Variants in LMCD1 observed in about 807,000 individuals in gnomAD.
LMCD1 encodes the protein LIM and cysteine rich domains 1.
Under a neutral mutation model 42.7 loss-of-function variants are expected in LMCD1, and 32 were observed. That is an observed-to-expected ratio of 0.75 (90% CI 0.57 to 1.01). The LOEUF (loss-of-function observed/expected upper bound fraction) is 1.01. Ranked by LOEUF, LMCD1 falls within the 50% of genes least tolerant of loss-of-function variation. The pLI, the probability that LMCD1 is intolerant of heterozygous loss-of-function variation, is 0.00. For missense variants in LMCD1, 458 were observed against 483.1 expected, an observed-to-expected ratio of 0.95 and a Z score of 0.49; for synonymous variants, 178 against 184.9, an observed-to-expected ratio of 0.96 and a Z score of 0.30.
intron 1 of LMCD1, among the ~76,000 whole-genome samples, chr3:8,508,488 C>T (rs1693928014): frequency 6.6e-6 from 1 of 152,200 alleles, no homozygotes. Flanking sequence ...ATTTTGTCTC[C>T]TCCTCCTGTT....
At chr3:8,547,860 TG>T (rs1455386522) in intron 3 of LMCD1, among the ~76,000 whole-genome samples, 1 of 151,594 alleles carries the variant, frequency 6.6e-6, no homozygotes, top group Non-Finnish European at 1.5e-5. Context: ...CACTCCAGCC[TG>T]GGCAACAGAG....
Position 8,501,842 on chromosome 3 carries a change from GC to G in LMCD1, c.-94del. 3 of 1,083,418 alleles carry G rather than the reference GC, an allele frequency of 2.8e-6. No individual in the cohort carries two copies. Among genetic ancestry groups the G allele is most frequent in the South Asian group, 2.9e-5 (2 of 67,974 alleles). The allele number at this position is 1,083,418 out of a possible 1,614,324, so 67.1% of individuals were successfully genotyped here. A position where few individuals can be genotyped will look rare whatever the true frequency, so the allele number is the denominator to read the frequency against. On this transcript the variant is annotated 5_prime_UTR_variant, in exon 1 of 6. Transcript: ENST00000157600. ...GGCTGCGCACAGAGCTCCCTCCCAG[GC>G]CCGCGAACTTGGCCATTCAGCCGCC... is the stretch of plus-strand genomic sequence containing the variant.
At chr3:8,535,515 A>G (rs1001825929) in intron 2 of LMCD1, among the ~76,000 whole-genome samples, 1 of 152,162 alleles carries the variant, frequency 6.6e-6, no homozygotes, top group African/African-American at 2.4e-5. Flanking sequence ...ACATCACCGT[A>G]TCAAAGTCAA....
intron 2 of LMCD1, among the ~76,000 whole-genome samples, chr3:8,536,873 G>C (rs1427176658): frequency 6.6e-6 from 1 of 152,180 alleles, no homozygotes; most frequent in Non-Finnish European, 1.5e-5. Context: ...CTCCAGCCCA[G>C]CTTTAGAGCA....
chr3:8,504,001 T>C (rs139219278), intron 1 of LMCD1, among the ~76,000 whole-genome samples: 168 of 152,322 alleles, frequency 1.1e-3, no homozygotes, highest in African/African-American at 3.8e-3. Flanking sequence ...CATGTTCTCC[T>C]TCTTGTCACC....
At chr3:8,502,311 A>ATTATATAT (rs1559342079) in intron 1 of LMCD1, among the ~76,000 whole-genome samples, 4 of 28,094 alleles carry the variant, frequency 1.4e-4, no homozygotes, top group African/African-American at 2.9e-4. Flanking sequence ...TATAATATAT[A>ATTATATAT]AAATATATAT....
intron 4 of LMCD1, among the ~76,000 whole-genome samples, chr3:8,556,052 T>C (rs1694928827): frequency 6.6e-6 from 1 of 152,242 alleles, no homozygotes; most frequent in Admixed American, 6.5e-5. Flanking sequence ...TCTTTGGTTT[T>C]ACTCAATTTT....
At chr3:8,523,900 G>A (rs1048206047) in intron 1 of LMCD1, among the ~76,000 whole-genome samples, 1 of 152,174 alleles carries the variant, frequency 6.6e-6, no homozygotes, top group African/African-American at 2.4e-5. Context: ...TTTACTTTCA[G>A]GAAGGGCAAC....
intron 1 of LMCD1, among the ~76,000 whole-genome samples, chr3:8,529,512 T>G (rs1209745223): frequency 6.6e-6 from 1 of 152,196 alleles, no homozygotes; most frequent in Admixed American, 6.5e-5. Context: ...GGGCTTTCTT[T>G]GTGCTTGTTG....
chr3:8,565,693 C>A, intron 5 of LMCD1, 46 bp downstream of exon 5: 1 of 1,515,992 alleles, frequency 6.6e-7, no homozygotes, highest in Non-Finnish European at 9.0e-7. Context: ...AGGGACACTG[C>A]TGAGGGTAAA....
At chr3:8,509,905 AG>A (rs1456972789) in intron 1 of LMCD1, among the ~76,000 whole-genome samples, 2 of 152,232 alleles carry the variant, frequency 1.3e-5, no homozygotes, top group Non-Finnish European at 2.9e-5. Context: ...GGCAGCTCTT[AG>A]GTCCCACCAG....
rs773512441 is a variant in LMCD1, at chr3:8,539,795, T to TTTTTTA, written c.387+2357_387+2358insTTTATT. 7.4e-3 allele frequency among the ~76,000 whole-genome samples: 1,036 copies of TTTTTTA among 139,818 alleles called. 9 individuals are homozygous for TTTTTTA. The highest frequency in any genetic ancestry group is 0.011 in the Non-Finnish European group (709 of 64,916). 91.7% of individuals were successfully genotyped at this position (139,818 alleles called of 152,430 possible). On this transcript the variant is annotated intron_variant, in intron 3 of 5. Coordinates refer to ENST00000157600, the MANE Select transcript of LMCD1 (RefSeq NM_014583.4). ...CCTTCCCACTCACCTTCCCAACATTTTTATTATTATTATTATTATTATTAT... is the reference window on the plus strand; with the variant it reads ...CCTTCCCACTCACCTTCCCAACATTTTTTTTATTATTATTATTATTATTATTATTAT...
At position 8,574,041 on chromosome 3, in the gene LMCD1, C is replaced by T. The variant is rs1229668891; in HGVS notation, c.*6443C>T. 1 of 152,244 alleles carries T rather than the reference C, an allele frequency of 6.6e-6. No homozygotes were observed. Among genetic ancestry groups the T allele is most frequent in the South Asian group, 2.1e-4 (1 of 4,822 alleles). The allele number at this position is 152,244 out of a possible 1,614,324, so 9.4% of individuals were successfully genotyped here. ...GTCTCTGCTTCTTTTCTCCATCTCT[C>T]TTCTGTCTTCCTCCACACTGGCTTT... On this transcript the variant is annotated 3_prime_UTR_variant, in exon 6 of 6. Transcript: ENST00000157600.
intron 4 of LMCD1, among the ~76,000 whole-genome samples, chr3:8,561,879 C>T (rs942697599): frequency 6.6e-6 from 1 of 150,450 alleles, no homozygotes; most frequent in Non-Finnish European, 1.5e-5. Flanking sequence ...ATCATCGGGG[C>T]TTACAGGAGC....
chr3:8,557,866 C>T (rs996287042), intron 4 of LMCD1, among the ~76,000 whole-genome samples: 1 of 152,170 alleles, frequency 6.6e-6, no homozygotes, highest in African/African-American at 2.4e-5. Context: ...GAGGAGCTTG[C>T]AGGCCAGAGA....
At chr3:8,502,304 A>AAAATATATATTATATATT (rs1693745852) in intron 1 of LMCD1, among the ~76,000 whole-genome samples, 1 of 12,366 alleles carries the variant, frequency 8.1e-5, no homozygotes, top group Non-Finnish European at 1.5e-4. Context: ...TATTATATAT[A>AAAATATATATTATATATT]ATATATAAAA....
chr3:8,545,857 C>T (rs1310672921), intron 3 of LMCD1, among the ~76,000 whole-genome samples: 1 of 152,194 alleles, frequency 6.6e-6, no homozygotes, highest in East Asian at 1.9e-4. Context: ...CAAACAGGGT[C>T]AGGTGCGGTG....
chr3:8,559,831 G>A (rs1224708584), intron 4 of LMCD1, among the ~76,000 whole-genome samples: 4 of 152,190 alleles, frequency 2.6e-5, no homozygotes, highest in African/African-American at 9.7e-5. Context: ...TGTTGAGAGG[G>A]CTCCTTACCT....
chr3:8,564,808 C>T (rs144804522), intron 4 of LMCD1, among the ~76,000 whole-genome samples: 209 of 152,318 alleles, frequency 1.4e-3, no homozygotes, highest in Admixed American at 4.4e-3. Context: ...GCATCGTCCT[C>T]CTTTTTCCAA....
Sources: gnomAD v4.1 joint callset for allele counts (sites outside exome capture counted in the v4.1 genomes callset) on GRCh38, gnomAD v4.1.1 for gene constraint, MANE v1.5 for transcripts, NCBI Gene and HGNC (gene_info 2026-07-23, HGNC 2026-07-21) for gene names.